Variants in ABI3BP observed in about 807,000 individuals in gnomAD.
ABI3BP encodes the protein target of Nesh-SH3.
A neutral mutation model predicts 268.6 loss-of-function variants in ABI3BP; 216 were observed. The observed-to-expected ratio is 0.80, with a 90% CI of 0.72 to 0.90. The LOEUF is 0.90. Among genes scored for constraint, ABI3BP ranks in the 40% least tolerant of loss-of-function variants. ABI3BP has a pLI of 0.00. For missense variants in ABI3BP, 2,090 were observed against 2,182.4 expected (o/e 0.96, Z 0.84); for synonymous variants, 730 against 730.0 (o/e 1.00, Z 0.00).
chr3:100,893,871 T>C (rs550799911), intron 4 of ABI3BP, among the ~76,000 whole-genome samples: 98 of 152,092 alleles, frequency 6.4e-4, no homozygotes, highest in Non-Finnish European at 1.2e-3. Flanking sequence ...ATGGGAAAGA[T>C]GGGATCATGA....
intron 9 of ABI3BP, among the ~76,000 whole-genome samples, chr3:100,870,543 A>G (rs1450757814): frequency 2.0e-5 from 3 of 152,236 alleles, no homozygotes; most frequent in African/African-American, 7.2e-5. Flanking sequence ...ACGATAAAAA[A>G]TAGGTGTTGG....
chr3:100,911,494 C>G (rs2056453503), intron 2 of ABI3BP: 3 of 426,852 alleles, frequency 7.0e-6, no homozygotes, highest in South Asian at 2.8e-5. Context: ...CATTGTTTTT[C>G]ACTTTTTTTT....
chr3:100,989,234 A>G (rs2092510306), intron 1 of ABI3BP, among the ~76,000 whole-genome samples: 1 of 152,202 alleles, frequency 6.6e-6, no homozygotes. Context: ...GAACCGTGAA[A>G]AATAAACTTC....
intron 13 of ABI3BP, 111 bp from the exon 14 acceptor site, chr3:100,862,496 T>A: frequency 2.9e-6 from 2 of 679,494 alleles, no homozygotes; most frequent in Non-Finnish European, 5.1e-6. Flanking sequence ...GCCTGCAGTA[T>A]ACCAATACAA....
At chr3:100,839,527 TAC>T in intron 24 of ABI3BP, 40 bp downstream of exon 24, 1 of 1,532,542 alleles carries the variant, frequency 6.5e-7, no homozygotes, top group Non-Finnish European at 8.7e-7. Flanking sequence ...AAGCAAAAGC[TAC>T]AACCCGTGAA....
intron 1 of ABI3BP, among the ~76,000 whole-genome samples, chr3:100,939,708 T>G (rs2067985170): frequency 6.6e-6 from 1 of 152,040 alleles, no homozygotes; most frequent in Non-Finnish European, 1.5e-5. Context: ...TAATGAAGTT[T>G]TGGGCACCAC....
chr3:100,867,104 GAACTA>G, intron 9 of ABI3BP, 148 bp from the exon 10 acceptor site: 1 of 609,598 alleles, frequency 1.6e-6, no homozygotes, highest in South Asian at 2.1e-5. Context: ...TCTCTAGCAG[GAACTA>G]ATATAAGTCT....
intron 2 of ABI3BP, among the ~76,000 whole-genome samples, chr3:100,918,329 C>T (rs773077249): frequency 1.1e-4 from 16 of 150,110 alleles, no homozygotes; most frequent in Non-Finnish European, 2.1e-4. Flanking sequence ...CCTGTCCACC[C>T]GTCCACCCAT....
At position 100,804,834 on chromosome 3, in the gene ABI3BP, G is replaced by C; in HGVS notation, c.3715C>G (p.Pro1239Ala). Residue 1239 changes from proline (P) to alanine (A), a missense_variant, in exon 51 of 68, where the codon CCA (proline) becomes GCA (alanine). Transcript: ENST00000471714. ...ACTTCTGGACTTGGTGACGTTTTTG[G>C]TTTTGCAGTAACACGCTGGGGCACC... ...PKVPQRVTAK[P>A]KTSPSPEVSY... is the part of the protein sequence containing the mutation. The C allele has an allele frequency of 1.2e-6, 2 of 1,613,098 alleles. No individual in the cohort carries two copies.
In ABI3BP at chr3:100,754,601, G is replaced by C. The variant is rs922198670; in HGVS notation, c.4930+11C>G. ...TACATCCTTTTTGGGAATTACTGTT[G>C]ATGTAATTACCTGATTCAGTACTGA... On this transcript the variant is annotated intron_variant, in intron 64 of 67. Coordinates refer to ENST00000471714, the MANE Select transcript of ABI3BP (RefSeq NM_001375547.2). 3 of 1,570,312 alleles carry C rather than the reference G, an allele frequency of 1.9e-6. No homozygotes were observed. Among genetic ancestry groups the C allele is most frequent in the Admixed American group, 3.7e-5 (2 of 53,864 alleles).
At position 100,750,233 on chromosome 3, in the gene ABI3BP, T is replaced by G. The variant is rs988571201; in HGVS notation, c.*262A>C. The G allele has an allele frequency of 3.2e-6, 1 of 313,132 alleles. No homozygotes were observed. The highest frequency in any genetic ancestry group is 5.8e-6 in the Non-Finnish European group (1 of 171,782). 19.4% of individuals were successfully genotyped at this position (313,132 alleles called of 1,614,324 possible). On this transcript the variant is annotated 3_prime_UTR_variant, in exon 68 of 68. Coordinates refer to ENST00000471714, the MANE Select transcript of ABI3BP (RefSeq NM_001375547.2). ...TGTGATAAATAATATACAAATGATC[T>G]CTTAAAATACCATGAATAGGGAGCC...
chr3:100,809,445 A>G lies in ABI3BP; in HGVS notation c.3607+967T>C, dbSNP rs149030719. Among the ~76,000 whole-genome samples the G allele has an allele frequency of 2.3e-3, 344 of 152,210 alleles. 4 individuals are homozygous for G. Among genetic ancestry groups the G allele is most frequent in the African/African-American group, 7.7e-3 (322 of 41,558 alleles). ...AAAGCAATTCCATGAAAAATGATAC[A>G]CAATGAGATAAGAATCACTAATAGC... is the stretch of plus-strand genomic sequence containing the variant. On this transcript the variant is annotated intron_variant, in intron 49 of 67. Coordinates refer to ENST00000471714, the MANE Select transcript of ABI3BP (RefSeq NM_001375547.2).
At chr3:100,805,185 T>C (rs2097668724) in intron 50 of ABI3BP, among the ~76,000 whole-genome samples, 1 of 152,138 alleles carries the variant, frequency 6.6e-6, no homozygotes, top group Admixed American at 6.6e-5. Flanking sequence ...AGCTTTTCTT[T>C]ACTGGATATG....
chr3:100,929,763 A>G (rs985675566), intron 1 of ABI3BP, among the ~76,000 whole-genome samples: 66 of 152,136 alleles, frequency 4.3e-4, no homozygotes, highest in African/African-American at 1.6e-3. Flanking sequence ...ACCTTTGCTC[A>G]GGTTGTCCAC....
chr3:100,811,032 T>A (rs914538106), intron 48 of ABI3BP, among the ~76,000 whole-genome samples, 198 bp downstream of exon 48: 3 of 152,134 alleles, frequency 2.0e-5, no homozygotes, highest in African/African-American at 7.2e-5. Context: ...AAAAGCAAAG[T>A]CTTGTTACAC....
intron 27 of ABI3BP, 136 bp downstream of exon 27, chr3:100,836,988 T>A: frequency 1.3e-6 from 1 of 798,848 alleles, no homozygotes; most frequent in East Asian, 2.8e-5. Flanking sequence ...AAGGCCCCTG[T>A]TGAAAATAGT....
In ABI3BP at chr3:100,786,857, C is replaced by T. The variant is rs183274228; in HGVS notation, c.4162+871G>A. Among the ~76,000 whole-genome samples the T allele has an allele frequency of 2.2e-3, 337 of 152,072 alleles. 1 individual carries two copies. Among genetic ancestry groups the T allele is most frequent in the African/African-American group, 7.8e-3 (322 of 41,480 alleles). On this transcript the variant is annotated intron_variant, in intron 57 of 67. Transcript: ENST00000471714. The stretch of plus-strand genomic sequence containing the variant: ...ATTTGGTTTGAAGATAAGTGAATTC[C>T]TAGAAATTCAGAGACTGTAATAATC...
chr3:100,961,781 A>G (rs1327486137), intron 1 of ABI3BP, among the ~76,000 whole-genome samples: 2 of 152,098 alleles, frequency 1.3e-5, no homozygotes, highest in African/African-American at 4.8e-5. Flanking sequence ...AACTACTTTC[A>G]CCACACTCTT....
chr3:100,843,540 T>G lies in ABI3BP; in HGVS notation c.1724-1501A>C, dbSNP rs866608436. On this transcript the variant is annotated intron_variant, in intron 20 of 67. Coordinates refer to ENST00000471714, the MANE Select transcript of ABI3BP (RefSeq NM_001375547.2). ...GAGGATGTGTGTGTGTGTGTGTGTG[T>G]GTGAGAGAGAGAGAGAGAGAGAGAG... The G allele has an allele frequency of 1.4e-5, 11 of 812,800 alleles. No homozygotes were observed. In the South Asian group the frequency reaches 4.9e-4, roughly 36 times the overall value. The allele number at this position is 812,800 out of a possible 1,614,324, so 50.3% of individuals were successfully genotyped here. A position where few individuals can be genotyped will look rare whatever the true frequency, so the allele number is the denominator to read the frequency against.
Sources: gnomAD v4.1 joint callset for allele counts (sites outside exome capture counted in the v4.1 genomes callset) on GRCh38, gnomAD v4.1.1 for gene constraint, MANE v1.5 for transcripts, NCBI Gene and HGNC (gene_info 2026-07-23, HGNC 2026-07-21) for gene names.